Variants in PSEN2 observed in about 807,000 individuals in gnomAD.
PSEN2 encodes the protein presenilin-2.
In PSEN2, 32 loss-of-function variants were observed where a neutral mutation model predicts 49.1. That is an observed-to-expected ratio of 0.65 (90% CI 0.49 to 0.88). The LOEUF (loss-of-function observed/expected upper bound fraction) is 0.88, where lower values mean the gene tolerates loss of function less well. Among genes scored for constraint, PSEN2 ranks in the 40% least tolerant of loss-of-function variants. The pLI is 0.00. For missense variants in PSEN2, 522 were observed against 586.9 expected, an observed-to-expected ratio of 0.89 and a Z score of 1.14; for synonymous variants, 255 against 244.0, an observed-to-expected ratio of 1.05 and a Z score of -0.42.
intron 9 of PSEN2, chr1:226,891,057 T>C (rs1661706186): frequency 1.7e-6 from 1 of 586,282 alleles, no homozygotes; most frequent in South Asian, 2.0e-5. Flanking sequence ...GTTCTTATGC[T>C]TTAGGAGGGG....
Position 226,895,440 on chromosome 1 carries a change from T to A in PSEN2, c.1208T>A (p.Leu403His), listed in dbSNP as rs770838733. 1 of 1,614,034 alleles carries A rather than the reference T, an allele frequency of 6.2e-7. No homozygotes were observed. Among genetic ancestry groups the A allele is most frequent in the Non-Finnish European group, 8.5e-7 (1 of 1,180,010 alleles). ...VAILIGLCLT[L>H]LLLAVFKKAL... ...GTCCTGCAGGGCTTGTGTCTGACCCTCCTGCTGCTTGCTGTGTTCAAGAAG... is the reference window on the plus strand; with the variant it reads ...GTCCTGCAGGGCTTGTGTCTGACCCACCTGCTGCTTGCTGTGTTCAAGAAG... Residue 403 changes from leucine (L) to histidine (H), a missense_variant, in exon 13 of 13, where the codon CTC (leucine) becomes CAC (histidine). By Grantham distance (99) the Leu-to-His change is moderately conservative. Coordinates refer to ENST00000366783, the MANE Select transcript of PSEN2 (RefSeq NM_000447.3).
chr1:226,897,392 G>A (rs1662186123), downstream of PSEN2: 1 of 152,804 alleles, frequency 6.5e-6, no homozygotes, highest in African/African-American at 2.4e-5. Flanking sequence ...CAGAAATTGG[G>A]GGCCCTTAAG....
chr1:226,871,173 G>C (rs992787986), intron 1 of PSEN2, 89 bp from the exon 2 acceptor site: 3 of 152,124 alleles, frequency 2.0e-5, no homozygotes, highest in African/African-American at 7.3e-5. Context: ...GGAGGCGCGC[G>C]GGGGCTCTGC....
rs1661694358 is a variant in PSEN2, at chr1:226,890,866, A to C, written c.887-412A>C. 4.7e-5 allele frequency: 11 copies of C among 234,776 alleles called. 1 individual carries two copies. In the South Asian group the frequency reaches 6.6e-4, roughly 14 times the overall value. The allele number at this position is 234,776 out of a possible 1,614,324, so 14.5% of individuals were successfully genotyped here. A position where few individuals can be genotyped will look rare whatever the true frequency, so the allele number is the denominator to read the frequency against. On this transcript the variant is annotated intron_variant, in intron 9 of 12. Coordinates refer to ENST00000366783, the MANE Select transcript of PSEN2 (RefSeq NM_000447.3). Reference sequence around the variant, plus strand: ...AGTTCTAGGTACCTTCATGCAGTTGAGGATTCGAGCCCGTAGAGGAGAATC... The same window carrying C: ...AGTTCTAGGTACCTTCATGCAGTTGCGGATTCGAGCCCGTAGAGGAGAATC...
intron 4 of PSEN2, among the ~76,000 whole-genome samples, chr1:226,882,793 T>C (rs1297543103): frequency 6.6e-6 from 1 of 152,202 alleles, no homozygotes; most frequent in Non-Finnish European, 1.5e-5. Context: ...TTAAGGCCAC[T>C]GCTCTGCCAC....
chr1:226,901,644 G>A (rs943892414), downstream of PSEN2, among the ~76,000 whole-genome samples: 3 of 152,084 alleles, frequency 2.0e-5, no homozygotes, highest in African/African-American at 7.2e-5. Context: ...TTTCCCTAAT[G>A]CTGACTAATG....
chr1:226,896,171 T>A (rs1662138015), downstream of PSEN2: 1 of 161,882 alleles, frequency 6.2e-6, no homozygotes, highest in South Asian at 1.7e-4. Context: ...TAACTTGTGC[T>A]GTGAGCCCAG....
chr1:226,881,827 G>A, intron 3 of PSEN2, 61 bp from the exon 4 acceptor site: 1 of 1,607,028 alleles, frequency 6.2e-7, no homozygotes. Context: ...CACCCCCTGA[G>A]TCCTCCACTG....
chr1:226,889,016 G>T lies in PSEN2; in HGVS notation c.754G>T (p.Ala252Ser), dbSNP rs138836272. ...CATCAAGTACCTCCCAGAGTGGTCC[G>T]CGTGGGTCATCCTGGGCGCCATCTC... The part of the protein sequence containing the change: ...VFIKYLPEWS[A>S]WVILGAISVY... Residue 252 changes from alanine to serine, a missense_variant, in exon 8 of 13, where the codon GCG (alanine) becomes TCG (serine). Coordinates refer to ENST00000366783, the MANE Select transcript of PSEN2 (RefSeq NM_000447.3). 1 of 1,614,066 alleles carries T rather than the reference G, an allele frequency of 6.2e-7. No individual in the cohort carries two copies. Among genetic ancestry groups the T allele is most frequent in the Non-Finnish European group, 8.5e-7 (1 of 1,180,006 alleles).
downstream of PSEN2, among the ~76,000 whole-genome samples, chr1:226,899,997 A>G (rs1027755764): frequency 1.3e-5 from 2 of 152,210 alleles, no homozygotes; most frequent in African/African-American, 4.8e-5. Context: ...AAGTGGCCAT[A>G]TATCCACCTA....
chr1:226,887,611 C>T (rs1558148334), intron 6 of PSEN2, among the ~76,000 whole-genome samples: 2 of 152,138 alleles, frequency 1.3e-5, no homozygotes, highest in Non-Finnish European at 2.9e-5. Flanking sequence ...TAAAATAGCA[C>T]CCCAGTGAGT....
At chr1:226,885,736 G>A in intron 6 of PSEN2, 57 bp downstream of exon 6, 2 of 1,597,222 alleles carry the variant, frequency 1.3e-6, no homozygotes, top group Non-Finnish European at 1.7e-6. Context: ...CCACACCATG[G>A]CGGCAGGGCC....
At chr1:226,890,765 G>T (rs1260113797) in intron 9 of PSEN2, 1 of 188,552 alleles carries the variant, frequency 5.3e-6, no homozygotes, top group Non-Finnish European at 1.1e-5. Context: ...TTGATGGCGG[G>T]GCTTAAATAG....
At chr1:226,901,399 G>A (rs978235730), downstream of PSEN2, among the ~76,000 whole-genome samples, 7 of 145,440 alleles carry the variant, frequency 4.8e-5, no homozygotes, top group African/African-American at 7.7e-5. Context: ...TCACGCCATT[G>A]CACTCCAGCC....
downstream of PSEN2, chr1:226,897,664 C>T (rs1422749585): frequency 6.4e-6 from 1 of 155,298 alleles, no homozygotes; most frequent in Non-Finnish European, 1.5e-5. Context: ...GGTGTTCAAA[C>T]ACCTGTATCT....
downstream of PSEN2, among the ~76,000 whole-genome samples, chr1:226,896,880 AC>A (rs1662168464): frequency 6.6e-6 from 1 of 152,022 alleles, no homozygotes; most frequent in Admixed American, 6.6e-5. Flanking sequence ...TCAAACTGGT[AC>A]CCCTGTCTCC....
Position 226,895,452 on chromosome 1 carries a change from C to T in PSEN2, c.1220C>T (p.Ala407Val). ...IGLCLTLLLLAVFKKALPALP... is the reference protein window; with the variant it reads ...IGLCLTLLLLVVFKKALPALP... ...TTGTGTCTGACCCTCCTGCTGCTTG[C>T]TGTGTTCAAGAAGGCGCTGCCCGCC... is the stretch of plus-strand genomic sequence containing the variant. Residue 407 changes from alanine to valine, a missense_variant, in exon 13 of 13, where the codon GCT (alanine) becomes GTT (valine). Coordinates refer to ENST00000366783, the MANE Select transcript of PSEN2 (RefSeq NM_000447.3). 6.2e-7 allele frequency: 1 copy of T among 1,614,070 alleles called. No individual in the cohort carries two copies.
intron 7 of PSEN2, 100 bp from the exon 8 acceptor site, chr1:226,888,729 T>G: frequency 9.8e-7 from 1 of 1,022,094 alleles, no homozygotes; most frequent in Non-Finnish European, 1.5e-6. Flanking sequence ...GGGAAGGAAA[T>G]GTTAGTAAAG....
chr1:226,877,780 T>C (rs995606667), intron 3 of PSEN2, among the ~76,000 whole-genome samples: 1 of 152,248 alleles, frequency 6.6e-6, no homozygotes, highest in Non-Finnish European at 1.5e-5. Context: ...GGAGGCCGCA[T>C]GTATGAATGA....
Sources: allele counts gnomAD v4.1 joint callset (sites outside exome capture counted in the v4.1 genomes callset), GRCh38; gene constraint gnomAD v4.1.1; transcripts MANE v1.5; gene names NCBI Gene and HGNC (gene_info 2026-07-23, HGNC 2026-07-21).